Variants in PDLIM5 observed in about 807,000 individuals in gnomAD.
The protein encoded by PDLIM5 is PDZ and LIM domain protein 5.
In PDLIM5, 34 loss-of-function variants were observed where a neutral mutation model predicts 64.2. The observed-to-expected ratio is 0.53, with a 90% CI of 0.40 to 0.71. PDLIM5 has a LOEUF of 0.71. PDLIM5 is among the 30% of genes least tolerant of loss of function. The probability of loss-of-function intolerance (pLI) is 0.00; values close to 1 mark genes in which losing one functional copy is unlikely to be tolerated. For synonymous variants in PDLIM5, 253 were observed against 269.1 expected (o/e 0.94, Z 0.59); for missense variants, 683 against 733.6 (o/e 0.93, Z 0.80).
intron 2 of PDLIM5, among the ~76,000 whole-genome samples, chr4:94,499,644 C>T (rs1242855175): frequency 6.6e-6 from 1 of 152,132 alleles, no homozygotes; most frequent in Non-Finnish European, 1.5e-5. Context: ...TTATATAAGG[C>T]ACTAGTCCCC....
At chr4:94,619,791 TA>T (rs375822631) in intron 8 of PDLIM5, among the ~76,000 whole-genome samples, 8 of 152,238 alleles carry the variant, frequency 5.3e-5, no homozygotes, top group African/African-American at 1.9e-4. Flanking sequence ...TTATTATTAT[TA>T]TTTTTTTTCT....
chr4:94,506,217 G>A (rs1413799684), intron 2 of PDLIM5, among the ~76,000 whole-genome samples: 1 of 152,168 alleles, frequency 6.6e-6, no homozygotes, highest in Non-Finnish European at 1.5e-5. Context: ...TCTTTTCAAC[G>A]CCATCATATT....
chr4:94,591,781 G>A (rs1330138296), intron 7 of PDLIM5, among the ~76,000 whole-genome samples: 1 of 152,168 alleles, frequency 6.6e-6, no homozygotes. Context: ...TCCCCTTCAC[G>A]GTTGTTGACC....
chr4:94,614,353 A>C (rs1738608156), intron 7 of PDLIM5, among the ~76,000 whole-genome samples: 1 of 152,020 alleles, frequency 6.6e-6, no homozygotes, highest in Non-Finnish European at 1.5e-5. Flanking sequence ...GGGCTCAAGC[A>C]GTCCTTCTGT....
At chr4:94,483,401 C>T (rs1726045848) in intron 2 of PDLIM5, among the ~76,000 whole-genome samples, 1 of 152,100 alleles carries the variant, frequency 6.6e-6, no homozygotes, top group Non-Finnish European at 1.5e-5. Context: ...TACTTTCCAA[C>T]ATAAGATACT....
At chr4:94,500,061 G>T (rs550352186) in intron 2 of PDLIM5, among the ~76,000 whole-genome samples, 114 of 152,160 alleles carry the variant, frequency 7.5e-4, no homozygotes, top group African/African-American at 2.6e-3. Flanking sequence ...ATCTGCAGGG[G>T]GTCTTGGAAC....
chr4:94,514,674 T>C (rs1283452269), intron 2 of PDLIM5, among the ~76,000 whole-genome samples: 1 of 152,210 alleles, frequency 6.6e-6, no homozygotes, highest in Admixed American at 6.5e-5. Flanking sequence ...CCAAGGCTTT[T>C]CTTTACTGGG....
intron 2 of PDLIM5, among the ~76,000 whole-genome samples, chr4:94,467,710 T>C (rs1263119474): frequency 2.0e-5 from 3 of 152,236 alleles, no homozygotes; most frequent in Non-Finnish European, 4.4e-5. Flanking sequence ...CATTATATGA[T>C]AGACCCTTAC....
chr4:94,476,408 C>T (rs1472013289), intron 2 of PDLIM5, among the ~76,000 whole-genome samples: 2 of 152,006 alleles, frequency 1.3e-5, no homozygotes, highest in African/African-American at 2.4e-5. Flanking sequence ...TATAAATTTA[C>T]ATTTTGATTA....
intron 7 of PDLIM5, among the ~76,000 whole-genome samples, chr4:94,604,119 A>C (rs1737719533): frequency 6.6e-6 from 1 of 152,204 alleles, no homozygotes; most frequent in Non-Finnish European, 1.5e-5. Context: ...AGCCTAGGAC[A>C]GAGAACTCTC....
chr4:94,461,713 G>A (rs72874769), intron 2 of PDLIM5, among the ~76,000 whole-genome samples: 3,355 of 152,196 alleles, frequency 0.022, 95 homozygotes, highest in African/African-American at 0.07. Context: ...TACTAGAACA[G>A]AGTTCACCAA....
At chr4:94,653,722 A>G in intron 9 of PDLIM5, among the ~76,000 whole-genome samples, 1 of 152,172 alleles carries the variant, frequency 6.6e-6, no homozygotes, top group South Asian at 2.1e-4. Context: ...TAACAATACT[A>G]CATTGTACTC....
chr4:94,470,257 C>T (rs1049222380), intron 2 of PDLIM5, among the ~76,000 whole-genome samples: 7 of 152,006 alleles, frequency 4.6e-5, no homozygotes, highest in African/African-American at 1.7e-4. Context: ...AGCCACTGTG[C>T]CTGGCCTAAA....
At chr4:94,477,519 C>T (rs181130304) in intron 2 of PDLIM5, among the ~76,000 whole-genome samples, 5 of 152,118 alleles carry the variant, frequency 3.3e-5, no homozygotes, top group African/African-American at 1.2e-4. Context: ...GACTTCTCTT[C>T]ATGGTTTTCT....
chr4:94,455,122 TGAA>T (rs1723212816), intron 1 of PDLIM5, 122 bp from the exon 2 acceptor site: 1 of 506,656 alleles, frequency 2.0e-6, no homozygotes, highest in East Asian at 2.9e-5. Context: ...CTGAAATTAA[TGAA>T]GAACTTAATT....
intron 7 of PDLIM5, among the ~76,000 whole-genome samples, chr4:94,614,927 A>G (rs1446509036): frequency 6.6e-6 from 1 of 152,202 alleles, no homozygotes; most frequent in African/African-American, 2.4e-5. Flanking sequence ...ATTTAGAAGC[A>G]AAATTCTTAG....
In PDLIM5 at chr4:94,538,069, A is replaced by C. The variant is rs376934160; in HGVS notation, c.248+14194A>C. Among the ~76,000 whole-genome samples the C allele has an allele frequency of 2.0e-5, 3 of 152,304 alleles. No individual in the cohort carries two copies. The South Asian group carries it at 6.2e-4, about 32-fold the overall frequency. On this transcript the variant is annotated intron_variant, in intron 3 of 12. Coordinates refer to ENST00000317968, the MANE Select transcript of PDLIM5 (RefSeq NM_006457.5). The stretch of plus-strand genomic sequence containing the variant: ...CCGTGGAAACTTCTAGCAAGGAGTC[A>C]ACCCTGTTAAGAGTATTAACAGGGA...
chr4:94,640,205 T>A, intron 8 of PDLIM5, 71 bp from the exon 9 acceptor site: 1 of 707,064 alleles, frequency 1.4e-6, no homozygotes, highest in Admixed American at 3.3e-5. Context: ...TAATAATTTT[T>A]ATTATTTGAT....
At chr4:94,541,543 T>C (rs1464942176) in intron 3 of PDLIM5, among the ~76,000 whole-genome samples, 1 of 152,234 alleles carries the variant, frequency 6.6e-6, no homozygotes, top group Non-Finnish European at 1.5e-5. Context: ...GACAGTTTTG[T>C]GGGGGCAGCC....
Sources: gnomAD v4.1 joint callset for allele counts (sites outside exome capture counted in the v4.1 genomes callset) on GRCh38, gnomAD v4.1.1 for gene constraint, MANE v1.5 for transcripts, NCBI Gene and HGNC (gene_info 2026-07-23, HGNC 2026-07-21) for gene names.